The following MACROD2 variants were observed in gnomAD, a reference collection of about 807,000 sequenced individuals.
MACROD2 encodes ADP-ribose glycohydrolase MACROD2.
In MACROD2, 36 loss-of-function variants were observed where a neutral mutation model predicts 70.4. The ratio of observed to expected loss-of-function variants is 0.51; its 90% CI spans 0.39 to 0.68. The LOEUF (loss-of-function observed/expected upper bound fraction) is 0.68. Among genes scored for constraint, MACROD2 ranks in the 30% least tolerant of loss-of-function variants. The pLI, the probability that MACROD2 is intolerant of heterozygous loss-of-function variation, is 0.00. For missense variants in MACROD2, 496 were observed against 538.4 expected, an observed-to-expected ratio of 0.92 and a Z score of 0.78; for synonymous variants, 172 against 178.8, an observed-to-expected ratio of 0.96 and a Z score of 0.30.
chr20:15,714,960 G>A (rs1312887197), intron 8 of MACROD2, among the ~76,000 whole-genome samples: 1 of 152,080 alleles, frequency 6.6e-6, no homozygotes, highest in Non-Finnish European at 1.5e-5. Context: ...AGATCAAGAA[G>A]TCTTCTGGCA....
intron 5 of MACROD2, among the ~76,000 whole-genome samples, chr20:15,006,099 G>C (rs1225210211): frequency 6.7e-6 from 1 of 150,230 alleles, no homozygotes; most frequent in Non-Finnish European, 1.5e-5. Flanking sequence ...TTATCTCCAG[G>C]ACTCATTAAA....
At chr20:15,929,250 G>T (rs1244537752) in intron 10 of MACROD2, among the ~76,000 whole-genome samples, 1 of 152,090 alleles carries the variant, frequency 6.6e-6, no homozygotes, top group East Asian at 1.9e-4. Flanking sequence ...AGCTACAGGG[G>T]CATCTTCTTG....
intron 8 of MACROD2, among the ~76,000 whole-genome samples, chr20:15,822,017 A>G (rs1189404191): frequency 6.6e-6 from 1 of 152,224 alleles, no homozygotes; most frequent in African/African-American, 2.4e-5. Flanking sequence ...CATGAACTAC[A>G]TTGAAATTCT....
chr20:14,819,004 CCTG>C (rs2072807678), intron 5 of MACROD2, among the ~76,000 whole-genome samples: 2 of 151,700 alleles, frequency 1.3e-5, no homozygotes, highest in East Asian at 3.9e-4. Flanking sequence ...GTGGCTCATG[CCTG>C]CAATCCCAGC....
At chr20:15,402,947 T>TTTTTG (rs1214155391) in intron 6 of MACROD2, among the ~76,000 whole-genome samples, 6 of 152,128 alleles carry the variant, frequency 3.9e-5, no homozygotes, top group African/African-American at 1.2e-4. Flanking sequence ...ACAGGTGTTT[T>TTTTTG]TTTTGTTTTG....
chr20:14,227,716 C>A (rs1406787727), intron 3 of MACROD2, among the ~76,000 whole-genome samples: 2 of 152,192 alleles, frequency 1.3e-5, no homozygotes, highest in East Asian at 1.9e-4. Flanking sequence ...ATTTAGATGC[C>A]AACTTTACTT....
intron 5 of MACROD2, chr20:14,758,056 A>C: frequency 1.6e-6 from 1 of 619,142 alleles, no homozygotes; most frequent in Non-Finnish European, 2.9e-6. Context: ...CACCTCAATA[A>C]ATTTGGAGAG....
intron 13 of MACROD2, among the ~76,000 whole-genome samples, chr20:15,983,101 C>T (rs2147458196): frequency 6.6e-6 from 1 of 152,304 alleles, no homozygotes; most frequent in African/African-American, 2.4e-5. Context: ...AAGCTCGTTG[C>T]TGTTGGTTGT....
intron 5 of MACROD2, among the ~76,000 whole-genome samples, chr20:15,208,045 T>G (rs535481997): frequency 1.2e-4 from 19 of 152,132 alleles, no homozygotes; most frequent in Non-Finnish European, 1.5e-5. Context: ...TGATATGATT[T>G]TAGATCTTTT....
At chr20:15,162,604 A>C (rs1157188170) in intron 5 of MACROD2, among the ~76,000 whole-genome samples, 2 of 152,164 alleles carry the variant, frequency 1.3e-5, no homozygotes. Context: ...GCACAGAAAT[A>C]AAAATGATTT....
rs1156250191 is a variant in MACROD2, at chr20:14,252,629, C to T, written c.271+166901C>T. Among the ~76,000 whole-genome samples, 3 of 151,954 alleles carry T rather than the reference C, an allele frequency of 2.0e-5. No individual in the cohort carries two copies. In the East Asian group the frequency reaches 5.8e-4, roughly 29 times the overall value. On this transcript the variant is annotated intron_variant, in intron 3 of 17. Transcript: ENST00000684519. The stretch of plus-strand genomic sequence containing the variant: ...TGAACTCCTAGAACAGAATCTGGCA[C>T]ACACCAAATGTTCAATAAATATTTG...
chr20:14,001,386 A>G (rs943770361), intron 1 of MACROD2, among the ~76,000 whole-genome samples: 1 of 151,988 alleles, frequency 6.6e-6, no homozygotes, highest in Admixed American at 6.6e-5. Flanking sequence ...TATCGTCAAG[A>G]TATATATATT....
intron 3 of MACROD2, among the ~76,000 whole-genome samples, chr20:14,151,978 C>T (rs1482666183): frequency 2.6e-5 from 4 of 151,698 alleles, no homozygotes; most frequent in Admixed American, 6.6e-5. Context: ...CCTGCCACCA[C>T]GCCCGGCTAA....
At chr20:15,554,979 C>A (rs1009410103) in intron 8 of MACROD2, among the ~76,000 whole-genome samples, 2 of 152,196 alleles carry the variant, frequency 1.3e-5, no homozygotes, top group Non-Finnish European at 2.9e-5. Context: ...CTGCTTCTTG[C>A]AGCATTGCAA....
chr20:15,850,184 A>G (rs2064280832), intron 8 of MACROD2, among the ~76,000 whole-genome samples: 1 of 152,144 alleles, frequency 6.6e-6, no homozygotes, highest in African/African-American at 2.4e-5. Flanking sequence ...AGAGGTGAGG[A>G]GAGTTGACAC....
chr20:14,295,720 C>T (rs1463674843), intron 3 of MACROD2, among the ~76,000 whole-genome samples: 12 of 151,918 alleles, frequency 7.9e-5, no homozygotes, highest in Admixed American at 7.9e-4. Flanking sequence ...AGCCTGCCTT[C>T]TGATGTATTG....
At position 15,197,809 on chromosome 20, in the gene MACROD2, A is replaced by T. The variant is rs367793407; in HGVS notation, c.419-32131A>T. 4.0e-4 allele frequency among the ~76,000 whole-genome samples: 61 copies of T among 151,472 alleles called. 1 individual carries two copies. In the South Asian group the frequency reaches 0.011, roughly 27 times the overall value. ...CCTTCTGGGCTCAAGTAATCCTCCC[A>T]TCTCACCCTCCTGAGTAGCTGGGAC... On this transcript the variant is annotated intron_variant, in intron 5 of 17. Transcript: ENST00000684519.
intron 4 of MACROD2, among the ~76,000 whole-genome samples, chr20:14,530,180 G>T (rs2085285153): frequency 6.6e-6 from 1 of 152,158 alleles, no homozygotes; most frequent in Admixed American, 6.5e-5. Context: ...TCAGGGAAGT[G>T]TGTTAATGTC....
rs16996541 is a variant in MACROD2, at chr20:15,788,795, C to G, written c.646-73950C>G. ...AGCTGTTTAAGTTAAAATGACAGAC[C>G]TATAATAAGTAAAGATATTATGAGG... On this transcript the variant is annotated intron_variant, in intron 8 of 17. Coordinates refer to ENST00000684519, the MANE Select transcript of MACROD2 (RefSeq NM_001351661.2). 9.8e-3 allele frequency among the ~76,000 whole-genome samples: 1,494 copies of G among 152,206 alleles called. 24 individuals carry two copies. The highest frequency in any genetic ancestry group is 0.034 in the African/African-American group (1,405 of 41,540).
Sources: gnomAD v4.1 joint callset for allele counts (sites outside exome capture counted in the v4.1 genomes callset) on GRCh38, gnomAD v4.1.1 for gene constraint, MANE v1.5 for transcripts, NCBI Gene and HGNC (gene_info 2026-07-23, HGNC 2026-07-21) for gene names.